The following ANK3 variants were observed in gnomAD, a reference collection of about 807,000 sequenced individuals.
The protein encoded by ANK3 is ankyrin 3, also known as ankyrin-3.
Under a neutral mutation model 370.9 loss-of-function variants are expected in ANK3, and 57 were observed. The observed-to-expected ratio is 0.15, with a 90% confidence interval of 0.12 to 0.19. The LOEUF (loss-of-function observed/expected upper bound fraction) is 0.19, where lower values mean the gene tolerates loss of function less well. Ranked by LOEUF, ANK3 falls within the 10% of genes least tolerant of loss-of-function variation. The pLI is 1.00. For missense variants in ANK3, 4,439 were observed against 5,302.1 expected (o/e 0.84, Z 5.06); for synonymous variants, 1,929 against 1,946.3 (o/e 0.99, Z 0.23).
At chr10:60,633,319 AC>A (rs1247156792) in intron 1 of ANK3, among the ~76,000 whole-genome samples, 4 of 152,170 alleles carry the variant, frequency 2.6e-5, no homozygotes, top group Non-Finnish European at 5.9e-5. Flanking sequence ...CAAGACTGAA[AC>A]AAAAATGTAA....
chr10:60,043,203 T>C (rs2076409046), intron 42 of ANK3: 2 of 987,158 alleles, frequency 2.0e-6, no homozygotes, highest in Non-Finnish European at 2.4e-6. Flanking sequence ...GACTTCCTCT[T>C]ACTGTCAGAC....
At chr10:60,684,913 G>C (rs1045954751) in intron 1 of ANK3, 1 of 1,497,160 alleles carries the variant, frequency 6.7e-7, no homozygotes, top group Non-Finnish European at 9.2e-7. Flanking sequence ...TAATAAACAA[G>C]ACTTGGAGAA....
At chr10:60,214,239 G>A (rs533328953) in intron 8 of ANK3, among the ~76,000 whole-genome samples, 1 of 152,138 alleles carries the variant, frequency 6.6e-6, no homozygotes, top group African/African-American at 2.4e-5. Flanking sequence ...ACAGGGTTCA[G>A]CATCAATATT....
At chr10:60,577,004 A>AGTT (rs1242702581) in intron 2 of ANK3, among the ~76,000 whole-genome samples, 1 of 152,222 alleles carries the variant, frequency 6.6e-6, no homozygotes, top group African/African-American at 2.4e-5. Context: ...TGTCCTTAAT[A>AGTT]GTTATGTATT....
intron 2 of ANK3, among the ~76,000 whole-genome samples, chr10:60,558,780 T>A (rs2077266367): frequency 6.6e-6 from 1 of 151,822 alleles, no homozygotes; most frequent in African/African-American, 2.4e-5. Context: ...AAAATTTCCC[T>A]AGAGATAGAG....
At chr10:60,468,834 G>A (rs900698962) in intron 2 of ANK3, among the ~76,000 whole-genome samples, 9 of 150,892 alleles carry the variant, frequency 6.0e-5, no homozygotes, top group African/African-American at 1.5e-4. Context: ...TAAAAGATAG[G>A]GCTAAAATGA....
chr10:60,663,619 C>T (rs571134696), intron 1 of ANK3, among the ~76,000 whole-genome samples: 2 of 152,258 alleles, frequency 1.3e-5, no homozygotes, highest in South Asian at 4.1e-4. Context: ...TCACAGAATA[C>T]GTCTGATAAT....
At chr10:60,693,666 C>T (rs1371239066) in intron 1 of ANK3, among the ~76,000 whole-genome samples, 1 of 152,156 alleles carries the variant, frequency 6.6e-6, no homozygotes, top group Admixed American at 6.5e-5. Flanking sequence ...GCCAGGTACT[C>T]CAACAGACCT....
chr10:60,133,712 G>C (rs1590584140), intron 25 of ANK3, among the ~76,000 whole-genome samples: 1 of 152,156 alleles, frequency 6.6e-6, no homozygotes. Context: ...CTTAAGGTCA[G>C]GAGTTCTAGA....
At chr10:60,506,557 T>A (rs1467318569) in intron 2 of ANK3, among the ~76,000 whole-genome samples, 2 of 152,154 alleles carry the variant, frequency 1.3e-5, no homozygotes, top group Non-Finnish European at 2.9e-5. Flanking sequence ...TTTGCCAGGA[T>A]TAAAGGCTCT....
At chr10:60,578,400 T>C (rs539612953) in intron 2 of ANK3, among the ~76,000 whole-genome samples, 2 of 152,204 alleles carry the variant, frequency 1.3e-5, no homozygotes, top group African/African-American at 2.4e-5. Context: ...ATGACAGATA[T>C]ACATTCTTTT....
intron 1 of ANK3, among the ~76,000 whole-genome samples, chr10:60,322,520 G>GA (rs1307423382): frequency 1.3e-5 from 2 of 151,804 alleles, no homozygotes; most frequent in South Asian, 2.1e-4. Flanking sequence ...ATTTAGTCTG[G>GA]AAAAAAGCAC....
chr10:60,324,463 T>G (rs1235076471), intron 1 of ANK3, among the ~76,000 whole-genome samples: 2 of 152,216 alleles, frequency 1.3e-5, no homozygotes, highest in African/African-American at 4.8e-5. Context: ...TGTTTCTCAG[T>G]GACAGTGTCC....
intron 9 of ANK3, among the ~76,000 whole-genome samples, chr10:60,209,225 GA>G (rs1370647296): frequency 6.6e-6 from 1 of 152,064 alleles, no homozygotes; most frequent in Non-Finnish European, 1.5e-5. Flanking sequence ...ATATATTAGG[GA>G]AAAGTAATTT....
At chr10:60,733,191 TCCCGCCCGCCCGGGTC>T in intron 1 of ANK3, 1 of 1,215,332 alleles carries the variant, frequency 8.2e-7, no homozygotes, top group Non-Finnish European at 1.0e-6. Flanking sequence ...GGCCCGGGCC[TCCCGCCCGCCCGGGTC>T]CCCGCATGCC....
At chr10:60,617,278 C>T (rs1425707528) in intron 1 of ANK3, among the ~76,000 whole-genome samples, 1 of 151,974 alleles carries the variant, frequency 6.6e-6, no homozygotes, top group Non-Finnish European at 1.5e-5. Context: ...TGCTTGTCCT[C>T]CCAGTCCCTA....
At chr10:60,170,967 A>G (rs964549325) in intron 21 of ANK3, among the ~76,000 whole-genome samples, 4 of 152,196 alleles carry the variant, frequency 2.6e-5, no homozygotes, top group Admixed American at 6.5e-5. Context: ...TATTTACTGC[A>G]ATGACTTCAA....
chr10:60,258,924 C>T (rs562323713), intron 7 of ANK3, among the ~76,000 whole-genome samples: 2 of 152,314 alleles, frequency 1.3e-5, no homozygotes, highest in East Asian at 3.9e-4. Flanking sequence ...CCAAACCTAG[C>T]TCTGAAGCAT....
intron 2 of ANK3, among the ~76,000 whole-genome samples, chr10:60,495,507 C>T (rs1217206025): frequency 6.6e-6 from 1 of 152,092 alleles, no homozygotes; most frequent in African/African-American, 2.4e-5. Context: ...TAATACAGAG[C>T]CCATCATTCA....
Sources: allele counts gnomAD v4.1 joint callset (sites outside exome capture counted in the v4.1 genomes callset), GRCh38; gene constraint gnomAD v4.1.1; transcripts MANE v1.5; gene names NCBI Gene and HGNC (gene_info 2026-07-23, HGNC 2026-07-21).